Variants in RXRA observed in about 807,000 individuals in gnomAD.
RXRA encodes the protein retinoid X receptor alpha.
A neutral mutation model predicts 44.5 loss-of-function variants in RXRA; 5 were observed. The observed-to-expected ratio is 0.11, with a 90% CI of 0.06 to 0.24. The LOEUF (loss-of-function observed/expected upper bound fraction) is 0.24. RXRA is among the 10% of genes least tolerant of loss of function. RXRA has a pLI of 1.00. For missense variants in RXRA, 412 were observed against 646.5 expected, an observed-to-expected ratio of 0.64 and a Z score of 3.93; for synonymous variants, 291 against 271.4, an observed-to-expected ratio of 1.07 and a Z score of -0.71.
chr9:134,381,816 C>T lies in RXRA; in HGVS notation c.29-19816C>T, dbSNP rs538208410. ...ACCTCCCCGGGGTGCCCAGCAGGGG[C>T]GCACTGCACCTTAGGTGCTCCGTCG... On this transcript the variant is annotated intron_variant, in intron 1 of 9. Transcript: ENST00000481739. Among the ~76,000 whole-genome samples, 14 of 152,242 alleles carry T rather than the reference C, an allele frequency of 9.2e-5. No individual in the cohort carries two copies. In the East Asian group the frequency reaches 1.5e-3, roughly 17 times the overall value.
intron 1 of RXRA, among the ~76,000 whole-genome samples, chr9:134,331,452 C>T (rs1267959573): frequency 6.6e-6 from 1 of 152,226 alleles, no homozygotes; most frequent in Non-Finnish European, 1.5e-5. Context: ...CACAGAGTCA[C>T]AGGCTCTCAC....
At chr9:134,411,667 A>G (rs1171643722) in intron 4 of RXRA, among the ~76,000 whole-genome samples, 1 of 152,222 alleles carries the variant, frequency 6.6e-6, no homozygotes, top group African/African-American at 2.4e-5. Flanking sequence ...TGCCTCCAGC[A>G]GGATTCTGAG....
chr9:134,410,386 G>A (rs889324686), intron 4 of RXRA, among the ~76,000 whole-genome samples: 4 of 152,212 alleles, frequency 2.6e-5, no homozygotes, highest in Non-Finnish European at 5.9e-5. Context: ...CAAGCCTTGC[G>A]CAGGGTCACA....
Position 134,349,134 on chromosome 9 carries a change from T to C in RXRA, c.28+22475T>C, listed in dbSNP as rs1480905501. 6.6e-6 allele frequency among the ~76,000 whole-genome samples: 1 copy of C among 151,886 alleles called. No homozygotes were observed. Among genetic ancestry groups the C allele is most frequent in the African/African-American group, 2.4e-5 (1 of 41,290 alleles). On this transcript the variant is annotated intron_variant, in intron 1 of 9. Coordinates refer to ENST00000481739, the MANE Select transcript of RXRA (RefSeq NM_002957.6). The surrounding 1 kb of genome is among the most constrained non-coding windows in gnomAD (Gnocchi z 4.3). The stretch of plus-strand genomic sequence containing the variant: ...TGAACTCACCGAGGGCCAGGAGGGG[T>C]CCTGAACACTGCCCTGCCTCATGAG...
chr9:134,427,945 G>A (rs538456418), intron 6 of RXRA, among the ~76,000 whole-genome samples: 1 of 152,304 alleles, frequency 6.6e-6, no homozygotes, highest in African/African-American at 2.4e-5. Flanking sequence ...GTGACTCCAT[G>A]TCACCCTGTC....
At chr9:134,422,760 C>T in intron 6 of RXRA, 3 of 985,474 alleles carry the variant, frequency 3.0e-6, no homozygotes, top group Non-Finnish European at 3.6e-6. Flanking sequence ...TCCCTCCATC[C>T]CTCATAAGGA....
chr9:134,396,924 C>T (rs746005876), intron 1 of RXRA, among the ~76,000 whole-genome samples: 15 of 152,184 alleles, frequency 9.9e-5, no homozygotes, highest in Non-Finnish European at 1.6e-4. Flanking sequence ...CTCCAAGGGC[C>T]GGAGGTTCCC....
intron 1 of RXRA, among the ~76,000 whole-genome samples, chr9:134,360,157 G>T (rs1830331641): frequency 6.6e-6 from 1 of 152,196 alleles, no homozygotes; most frequent in Non-Finnish European, 1.5e-5. Context: ...GTCCTGCCTG[G>T]GGTGGGCCAG....
intron 1 of RXRA, chr9:134,379,787 C>G (rs1440738207): frequency 1.0e-6 from 1 of 985,246 alleles, no homozygotes; most frequent in East Asian, 1.1e-4. Context: ...CCCAGCTGCC[C>G]CTAAGGATGG....
At chr9:134,329,150 G>GTAGGCCC (rs1554746357) in intron 1 of RXRA, among the ~76,000 whole-genome samples, 1 of 152,230 alleles carries the variant, frequency 6.6e-6, no homozygotes. Context: ...TGGCAAAGCT[G>GTAGGCCC]TAGGCCCGCT....
intron 1 of RXRA, among the ~76,000 whole-genome samples, chr9:134,348,089 A>G (rs1163488392): frequency 6.6e-6 from 1 of 152,116 alleles, no homozygotes; most frequent in African/African-American, 2.4e-5. Context: ...TGGGGTGACC[A>G]TGTGGTTTGG....
chr9:134,395,894 C>G (rs1830870660), intron 1 of RXRA, among the ~76,000 whole-genome samples: 1 of 152,240 alleles, frequency 6.6e-6, no homozygotes, highest in Non-Finnish European at 1.5e-5. Flanking sequence ...AAATTCCAGC[C>G]TGGGCCACCT....
chr9:134,424,522 A>G, intron 6 of RXRA: 1 of 985,408 alleles, frequency 1.0e-6, no homozygotes, highest in Non-Finnish European at 1.2e-6. Flanking sequence ...CATGAGTCCC[A>G]GCCCCACTAC....
chr9:134,398,888 G>A (rs1041964237), intron 1 of RXRA, among the ~76,000 whole-genome samples: 7 of 152,262 alleles, frequency 4.6e-5, no homozygotes, highest in African/African-American at 1.4e-4. Flanking sequence ...TGCATGGCCC[G>A]GCCTCCTCCC....
At chr9:134,410,743 A>G (rs1010296755) in intron 4 of RXRA, among the ~76,000 whole-genome samples, 2 of 152,174 alleles carry the variant, frequency 1.3e-5, no homozygotes, top group African/African-American at 4.8e-5. Flanking sequence ...TTAGCCTGGC[A>G]GTCTCTGTGA....
Position 134,408,227 on chromosome 9 carries a change from C to T in RXRA, c.358C>T (p.Pro120Ser), listed in dbSNP as rs866812845. The T allele has an allele frequency of 6.2e-7, 1 of 1,612,062 alleles. No homozygotes were observed. The highest frequency in any genetic ancestry group is 8.5e-7 in the Non-Finnish European group (1 of 1,179,442). Residue 120 changes from proline to serine, a missense_variant, in exon 3 of 10, where the codon CCC becomes TCC. Coordinates refer to ENST00000481739, the MANE Select transcript of RXRA (RefSeq NM_002957.6). ...PLGLNGVLKV[P>S]AHPSGNMASF... ...GGGCCTCAATGGCGTCCTCAAGGTC[C>T]CCGCCCACCCCTCAGGAAACATGGC...
chr9:134,379,960 G>T, intron 1 of RXRA: 1 of 985,288 alleles, frequency 1.0e-6, no homozygotes. Flanking sequence ...CTCCCCTGGG[G>T]GTTGGTGGAG....
intron 3 of RXRA, among the ~76,000 whole-genome samples, 181 bp downstream of exon 3, chr9:134,408,480 C>CA (rs1465957258): frequency 3.3e-5 from 5 of 152,186 alleles, no homozygotes; most frequent in Non-Finnish European, 7.3e-5. Context: ...CCAGGGTTCT[C>CA]ACGTCTGTGG....
intron 1 of RXRA, among the ~76,000 whole-genome samples, chr9:134,385,705 A>T (rs1204029219): frequency 6.6e-6 from 1 of 152,228 alleles, no homozygotes; most frequent in East Asian, 1.9e-4. Context: ...CAGGACAAGG[A>T]CAGGCACCCT....
Sources: gnomAD v4.1 joint callset for allele counts (sites outside exome capture counted in the v4.1 genomes callset) on GRCh38, gnomAD v4.1.1 for gene constraint, Gnocchi (gnomAD v3.1) non-coding constraint, MANE v1.5 for transcripts, NCBI Gene and HGNC (gene_info 2026-07-23, HGNC 2026-07-21) for gene names.